The following PTPRT variants were observed in gnomAD, a reference collection of about 807,000 sequenced individuals.
PTPRT encodes receptor-type tyrosine-protein phosphatase T.
PTPRT carries 56 observed loss-of-function variants against 176.8 expected under a neutral mutation model. That is an observed-to-expected ratio of 0.32 (90% CI 0.26 to 0.40). PTPRT has a LOEUF of 0.40. Ranked by LOEUF, PTPRT falls within the 10% of genes least tolerant of loss-of-function variation. The pLI is 1.00. For synonymous variants in PTPRT, 783 were observed against 739.0 expected (o/e 1.06, Z -0.96); for missense variants, 1,540 against 1,908.2 (o/e 0.81, Z 3.60).
intron 16 of PTPRT, among the ~76,000 whole-genome samples, chr20:42,187,687 T>C (rs1990835881): frequency 6.6e-6 from 1 of 152,176 alleles, no homozygotes; most frequent in Non-Finnish European, 1.5e-5. Flanking sequence ...TCCAGCTGAG[T>C]AGATATTGAT....
chr20:42,975,123 G>GA lies in PTPRT; in HGVS notation c.89-89192dup, dbSNP rs5841482. Among the ~76,000 whole-genome samples, 354 of 152,002 alleles carry GA rather than the reference G, an allele frequency of 2.3e-3. 2 individuals are homozygous for GA. Among genetic ancestry groups the GA allele is most frequent in the African/African-American group, 8.4e-3 (349 of 41,452 alleles). On this transcript the variant is annotated intron_variant, in intron 1 of 30. Transcript: ENST00000373187. ...TCTGATATAGACACAAAGGACAAGAGATTAAAAAAAATCAGATGTGAAAAA... is the reference window on the plus strand; with the variant it reads ...TCTGATATAGACACAAAGGACAAGAGAATTAAAAAAAATCAGATGTGAAAAA...
At position 42,098,508 on chromosome 20, in the gene PTPRT, T is replaced by G. The variant is rs369077662; in HGVS notation, c.3759A>C (p.Leu1253=). The G allele has an allele frequency of 1.1e-5, 18 of 1,614,082 alleles. 1 individual carries two copies. The highest frequency in any genetic ancestry group is 3.3e-5 in the Admixed American group (2 of 60,024). Residue 1253 remains leucine (L), a synonymous_variant, in exon 27 of 31, where the codon CTA becomes CTC. Transcript: ENST00000373187. ...TCCAGAAGTCTGCCACGGTGTTGGG[T>G]AGAGGGTGCTGGGTGACCACGAAGG... ...PAAFVVTQHP[L]PNTVADFWRL...
chr20:43,076,683 C>T (rs1460835202), intron 1 of PTPRT, among the ~76,000 whole-genome samples: 1 of 152,174 alleles, frequency 6.6e-6, no homozygotes, highest in Non-Finnish European at 1.5e-5. Context: ...CCACCTCTAC[C>T]CACTGTCCTC....
At chr20:42,293,391 T>A (rs1472874118) in intron 12 of PTPRT, among the ~76,000 whole-genome samples, 2 of 152,184 alleles carry the variant, frequency 1.3e-5, no homozygotes, top group African/African-American at 4.8e-5. Context: ...CTCCTTGACC[T>A]GTTTAATTAT....
intron 1 of PTPRT, among the ~76,000 whole-genome samples, chr20:42,977,677 G>A (rs576994227): frequency 2.0e-5 from 3 of 152,128 alleles, no homozygotes; most frequent in African/African-American, 7.2e-5. Flanking sequence ...TAAATAGAGT[G>A]TGACTTTTGA....
chr20:42,382,518 A>G (rs2058706605), intron 9 of PTPRT, among the ~76,000 whole-genome samples: 1 of 152,166 alleles, frequency 6.6e-6, no homozygotes, highest in Non-Finnish European at 1.5e-5. Context: ...CCTGGAACTG[A>G]GACATAAGGG....
intron 21 of PTPRT, among the ~76,000 whole-genome samples, chr20:42,117,957 C>T (rs140364794): frequency 6.6e-6 from 1 of 152,290 alleles, no homozygotes; most frequent in African/African-American, 2.4e-5. Flanking sequence ...AGGCACTATG[C>T]TTGCCTTTGG....
rs761755874 is a variant in PTPRT at position 42,301,394 on chromosome 20, AG to A, written c.2139+14328del. On this transcript the variant is annotated intron_variant, in intron 12 of 30. Transcript: ENST00000373187. ...TTAAGAGTCAAGGGCATAAAAGTCAAGGCAAGACAGATATGAGAACTCTAAA... is the reference window on the plus strand; with the variant it reads ...TTAAGAGTCAAGGGCATAAAAGTCAAGCAAGACAGATATGAGAACTCTAAA... Among the ~76,000 whole-genome samples, 43 of 152,326 alleles carry A rather than the reference AG, an allele frequency of 2.8e-4. No homozygotes were observed. In the Middle Eastern group the frequency reaches 0.02, roughly 72 times the overall value.
the PTPRT span, among the ~76,000 whole-genome samples, chr20:42,047,544 A>G: frequency 6.6e-6 from 1 of 152,204 alleles, no homozygotes; most frequent in African/African-American, 2.4e-5. Context: ...CTGTGGATAG[A>G]TAATGGTTGA....
At chr20:42,830,686 A>G (rs946306381) in intron 2 of PTPRT, among the ~76,000 whole-genome samples, 1 of 151,892 alleles carries the variant, frequency 6.6e-6, no homozygotes, top group Non-Finnish European at 1.5e-5. Flanking sequence ...ATGATTTTAT[A>G]TCTATATAAA....
intron 14 of PTPRT, among the ~76,000 whole-genome samples, chr20:42,240,422 T>C (rs2056329190): frequency 5.3e-5 from 8 of 152,208 alleles, no homozygotes; most frequent in Admixed American, 4.6e-4. Flanking sequence ...CCAAAAATCC[T>C]GAGCAGGAAG....
chr20:42,487,199 T>C (rs1177688666), intron 7 of PTPRT, among the ~76,000 whole-genome samples: 1 of 152,168 alleles, frequency 6.6e-6, no homozygotes, highest in Non-Finnish European at 1.5e-5. Flanking sequence ...AATGTGTCTC[T>C]TGGAGAGAAG....
At chr20:42,302,757 TATC>T (rs1568755248) in intron 12 of PTPRT, among the ~76,000 whole-genome samples, 1 of 152,210 alleles carries the variant, frequency 6.6e-6, no homozygotes, top group African/African-American at 2.4e-5. Flanking sequence ...TTTGGGGTTT[TATC>T]ATCATCATTC....
chr20:42,101,671 T>C (rs1248702032), intron 26 of PTPRT, among the ~76,000 whole-genome samples: 3 of 152,200 alleles, frequency 2.0e-5, no homozygotes, highest in African/African-American at 7.2e-5. Flanking sequence ...GCCATCCTCA[T>C]TTTTGTCTCT....
intron 7 of PTPRT, among the ~76,000 whole-genome samples, chr20:42,544,307 T>G (rs2072635091): frequency 6.6e-6 from 1 of 152,250 alleles, no homozygotes; most frequent in Admixed American, 6.5e-5. Flanking sequence ...CATTGGCTGC[T>G]TCACCTTACA....
chr20:42,505,203 TCA>T (rs1391831731), intron 7 of PTPRT, among the ~76,000 whole-genome samples: 1 of 152,176 alleles, frequency 6.6e-6, no homozygotes, highest in Non-Finnish European at 1.5e-5. Context: ...ATTCACGACT[TCA>T]TTCTTTTAAT....
At chr20:42,576,354 G>C (rs761346576) in intron 7 of PTPRT, among the ~76,000 whole-genome samples, 3 of 152,190 alleles carry the variant, frequency 2.0e-5, no homozygotes, top group Non-Finnish European at 4.4e-5. Flanking sequence ...CATCTGGAAG[G>C]GAGTCGTGTT....
intron 7 of PTPRT, among the ~76,000 whole-genome samples, chr20:42,603,590 C>T (rs2073821907): frequency 6.6e-6 from 1 of 152,054 alleles, no homozygotes; most frequent in African/African-American, 2.4e-5. Flanking sequence ...ATTGTAAGTG[C>T]AATAGGAAGC....
At chr20:42,518,256 C>T (rs539149473) in intron 7 of PTPRT, among the ~76,000 whole-genome samples, 198 of 152,068 alleles carry the variant, frequency 1.3e-3, no homozygotes, top group Non-Finnish European at 2.6e-3. Flanking sequence ...TTATCTGTAA[C>T]CTTTCCATGA....
Sources: allele counts gnomAD v4.1 joint callset (sites outside exome capture counted in the v4.1 genomes callset), GRCh38; gene constraint gnomAD v4.1.1; transcripts MANE v1.5; gene names NCBI Gene and HGNC (gene_info 2026-07-23, HGNC 2026-07-21).